The following SLC44A3 variants were observed in gnomAD, a reference collection of about 807,000 sequenced individuals.
The protein encoded by SLC44A3 is choline transporter-like protein 3.
Under a neutral mutation model 75.4 loss-of-function variants are expected in SLC44A3, and 74 were observed. The observed-to-expected ratio is 0.98, with a 90% CI of 0.81 to 1.19. The LOEUF (loss-of-function observed/expected upper bound fraction) is 1.19. Among genes scored for constraint, SLC44A3 ranks in the 50% most tolerant of loss-of-function variants. The pLI is 0.00. For synonymous variants in SLC44A3, 310 were observed against 296.9 expected (o/e 1.04, Z -0.45); for missense variants, 700 against 778.6 (o/e 0.90, Z 1.20).
intron 9 of SLC44A3, among the ~76,000 whole-genome samples, chr1:94,849,186 T>C (rs1345059832): frequency 6.6e-6 from 1 of 152,058 alleles, no homozygotes; most frequent in Non-Finnish European, 1.5e-5. Context: ...CCTCTCAGGA[T>C]CACACAGTGA....
At chr1:94,859,146 A>G (rs1156328451) in intron 10 of SLC44A3, among the ~76,000 whole-genome samples, 1 of 152,222 alleles carries the variant, frequency 6.6e-6, no homozygotes, top group Non-Finnish European at 1.5e-5. Flanking sequence ...AGGGGAGCAA[A>G]GAGAGTATTC....
chr1:94,869,768 A>G (rs977264254), intron 12 of SLC44A3, among the ~76,000 whole-genome samples: 1 of 152,224 alleles, frequency 6.6e-6, no homozygotes, highest in African/African-American at 2.4e-5. Flanking sequence ...AAAGGAATTT[A>G]GATTCACCTT....
chr1:94,869,358 A>G (rs1571373352), intron 12 of SLC44A3, among the ~76,000 whole-genome samples: 1 of 152,246 alleles, frequency 6.6e-6, no homozygotes, highest in African/African-American at 2.4e-5. Flanking sequence ...TCACAAAAAA[A>G]CTAAGCCAGC....
At chr1:94,863,683 C>T (rs55876076) in intron 10 of SLC44A3, among the ~76,000 whole-genome samples, 4,791 of 152,236 alleles carry the variant, frequency 0.031, 83 homozygotes, top group African/African-American at 0.053. Context: ...TGTGTTGAAA[C>T]ACACATCCTT....
intron 9 of SLC44A3, among the ~76,000 whole-genome samples, chr1:94,850,743 G>C (rs1055881259): frequency 2.0e-5 from 3 of 152,184 alleles, no homozygotes; most frequent in African/African-American, 7.2e-5. Flanking sequence ...TTGCAAATAA[G>C]GGACCATATG....
At chr1:94,868,610 G>C (rs1474540630) in intron 12 of SLC44A3, among the ~76,000 whole-genome samples, 2 of 152,218 alleles carry the variant, frequency 1.3e-5, no homozygotes, top group African/African-American at 4.8e-5. Flanking sequence ...AGATGTTATA[G>C]CTATTGTGTA....
intron 10 of SLC44A3, 99 bp downstream of exon 10, chr1:94,857,599 CCTTA>C: frequency 8.0e-7 from 1 of 1,256,276 alleles, no homozygotes; most frequent in Non-Finnish European, 1.1e-6. Flanking sequence ...TGACCTAGCC[CCTTA>C]AAAGAAGTTG....
rs757421381 is a variant in SLC44A3, at chr1:94,857,330, T to C, written c.1073-5T>C. The C allele has an allele frequency of 3.8e-6, 6 of 1,595,302 alleles. No homozygotes were observed. The highest frequency in any genetic ancestry group is 5.1e-6 in the Non-Finnish European group (6 of 1,172,702). The stretch of plus-strand genomic sequence containing the variant: ...TGTAAAGCATGTTTGTGTTTGAAAC[T>C]TTAGGAGCTGCCCAGGTTATGGAAG... On this transcript the variant is annotated splice_region_variant and splice_polypyrimidine_tract_variant and intron_variant, in intron 9 of 14. Coordinates refer to ENST00000271227, the MANE Select transcript of SLC44A3 (RefSeq NM_001114106.3).
chr1:94,894,759 C>CT, intron 14 of SLC44A3, 59 bp from the exon 15 acceptor site: 1 of 1,437,834 alleles, frequency 7.0e-7, no homozygotes, highest in Non-Finnish European at 9.6e-7. Flanking sequence ...CCCTCGGCCC[C>CT]TACGTTATCA....
At chr1:94,829,452 T>C (rs1661827411) in intron 5 of SLC44A3, among the ~76,000 whole-genome samples, 1 of 152,174 alleles carries the variant, frequency 6.6e-6, no homozygotes, top group African/African-American at 2.4e-5. Context: ...AGAGTACACT[T>C]GGTGGGCTCC....
At chr1:94,828,467 A>G (rs774031932) in intron 4 of SLC44A3, 26 bp from the exon 5 acceptor site, 3 of 1,595,510 alleles carry the variant, frequency 1.9e-6, no homozygotes, top group South Asian at 2.2e-5. Context: ...GAAAGAAGGT[A>G]TAATGTCTGT....
intron 9 of SLC44A3, among the ~76,000 whole-genome samples, chr1:94,849,182 A>G (rs1664863667): frequency 6.6e-6 from 1 of 152,142 alleles, no homozygotes; most frequent in Non-Finnish European, 1.5e-5. Context: ...GCCACCTCTC[A>G]GGATCACACA....
At chr1:94,839,088 G>A (rs1360163573) in intron 6 of SLC44A3, 1 of 152,220 alleles carries the variant, frequency 6.6e-6, no homozygotes. Flanking sequence ...AGATCTGTGT[G>A]GTCCCAAAAC....
chr1:94,845,186 C>A, intron 8 of SLC44A3, 92 bp from the exon 9 acceptor site: 1 of 1,315,754 alleles, frequency 7.6e-7, no homozygotes, highest in Non-Finnish European at 1.0e-6. Flanking sequence ...GAGCTGTTTG[C>A]TGAGATGTCA....
At chr1:94,877,338 T>C (rs951715434) in intron 12 of SLC44A3, among the ~76,000 whole-genome samples, 10 of 152,122 alleles carry the variant, frequency 6.6e-5, no homozygotes, top group African/African-American at 1.9e-4. Context: ...AGAGCCTAAA[T>C]TTTGGAAAAC....
Position 94,889,553 on chromosome 1 carries a change from C to CACACACACACACACACA in SLC44A3, c.1483-1576_1483-1575insCACACACACACACACAA, listed in dbSNP as rs370393089. On this transcript the variant is annotated intron_variant, in intron 12 of 14. Transcript: ENST00000271227. ...ACACACACACACACACACACACACACATTTGTAGTCTTTGATATAGTAATC... is the reference window on the plus strand; with the variant it reads ...ACACACACACACACACACACACACACACACACACACACACACAATTTGTAGTCTTTGATATAGTAATC... 1.7e-3 allele frequency among the ~76,000 whole-genome samples: 249 copies of CACACACACACACACACA among 149,526 alleles called. 1 individual carries two copies. The highest frequency in any genetic ancestry group is 1.3e-3 in the Non-Finnish European group (85 of 67,352).
chr1:94,847,834 G>T (rs141612001), intron 9 of SLC44A3, among the ~76,000 whole-genome samples: 72 of 152,296 alleles, frequency 4.7e-4, no homozygotes, highest in African/African-American at 1.6e-3. Context: ...CAGCTGGGAG[G>T]CATGACGTGC....
Position 94,891,254 on chromosome 1 carries a change from T to A in SLC44A3, c.1607T>A (p.Ile536Asn), listed in dbSNP as rs1465354590. 1 of 1,605,532 alleles carries A rather than the reference T, an allele frequency of 6.2e-7. No individual in the cohort carries two copies. Among genetic ancestry groups the A allele is most frequent in the African/African-American group, 1.3e-5 (1 of 74,308 alleles). The change falls in exon 13 of 15, where the codon ATT (isoleucine) becomes AAT (asparagine). Residue 536 changes from isoleucine to asparagine, a missense_variant. Ile to Asn is a moderately radical substitution (Grantham distance 149). Transcript: ENST00000271227. ...TSINCFGDFIIFLGKVLVVCF... is the reference protein window; with the variant it reads ...TSINCFGDFINFLGKVLVVCF... ...ATTAACTGCTTTGGAGACTTCATAA[T>A]TTTTCTAGGAAAGGTGAGATATCTT...
intron 3 of SLC44A3, among the ~76,000 whole-genome samples, chr1:94,825,413 C>G (rs1382759235): frequency 6.6e-6 from 1 of 152,210 alleles, no homozygotes; most frequent in Non-Finnish European, 1.5e-5. Context: ...TCACTGCAAG[C>G]TCTGCCTCCC....
Sources: gnomAD v4.1 joint callset for allele counts (sites outside exome capture counted in the v4.1 genomes callset) on GRCh38, gnomAD v4.1.1 for gene constraint, MANE v1.5 for transcripts, NCBI Gene and HGNC (gene_info 2026-07-23, HGNC 2026-07-21) for gene names.